GFRA1: variants seen among roughly 807,000 people sequenced by gnomAD.
The protein encoded by GFRA1 is GDNF family receptor alpha-1.
A neutral mutation model predicts 51.6 loss-of-function variants in GFRA1; 16 were observed. The ratio of observed to expected loss-of-function variants is 0.31; its 90% confidence interval spans 0.21 to 0.47. The LOEUF (loss-of-function observed/expected upper bound fraction) is 0.47, where lower values mean the gene tolerates loss of function less well. Among genes scored for constraint, GFRA1 ranks in the 20% least tolerant of loss-of-function variants. GFRA1 has a pLI of 1.00. For missense variants in GFRA1, 530 were observed against 594.3 expected (o/e 0.89, Z 1.13); for synonymous variants, 270 against 241.3 (o/e 1.12, Z -1.10).
intron 5 of GFRA1, among the ~76,000 whole-genome samples, chr10:116,210,810 A>G (rs954573418): frequency 5.3e-5 from 8 of 152,224 alleles, no homozygotes; most frequent in African/African-American, 1.9e-4. Flanking sequence ...GATTCCAGAA[A>G]GACACAGCAG....
chr10:116,262,604 T>G (rs1422409973), intron 4 of GFRA1, among the ~76,000 whole-genome samples: 1 of 152,196 alleles, frequency 6.6e-6, no homozygotes, highest in Non-Finnish European at 1.5e-5. Flanking sequence ...ACAGCAGTTA[T>G]TTTGGGGTGG....
chr10:116,216,287 C>G (rs1207323431), intron 4 of GFRA1, among the ~76,000 whole-genome samples: 1 of 152,088 alleles, frequency 6.6e-6, no homozygotes, highest in Non-Finnish European at 1.5e-5. Flanking sequence ...TGGGTGAACC[C>G]CTCTCTTGCG....
chr10:116,266,454 A>G (rs1969664660), intron 4 of GFRA1, among the ~76,000 whole-genome samples: 1 of 152,226 alleles, frequency 6.6e-6, no homozygotes, highest in South Asian at 2.1e-4. Context: ...AATATGCATT[A>G]TTCAATGACT....
In GFRA1 at chr10:116,251,840, A is replaced by G. The variant is rs75050049; in HGVS notation, c.418+17663T>C. 8.1e-3 allele frequency among the ~76,000 whole-genome samples: 1,235 copies of G among 152,216 alleles called. 19 individuals carry two copies. The highest frequency in any genetic ancestry group is 0.028 in the African/African-American group (1,165 of 41,544). On this transcript the variant is annotated intron_variant, in intron 4 of 10. Transcript: ENST00000355422. ...GTACACGTCTGAAAAGGGGCTGGGA[A>G]TGCAGTCATGAGGCTGAGTAAGGGC... is the stretch of plus-strand genomic sequence containing the variant.
At chr10:116,123,861 T>C (rs573756587) in intron 6 of GFRA1, among the ~76,000 whole-genome samples, 6 of 152,312 alleles carry the variant, frequency 3.9e-5, no homozygotes, top group African/African-American at 1.2e-4. Context: ...AGGGTAACTT[T>C]ATCTTTTCAC....
intron 5 of GFRA1, among the ~76,000 whole-genome samples, chr10:116,204,834 A>T (rs1964605760): frequency 6.6e-6 from 1 of 152,228 alleles, no homozygotes; most frequent in African/African-American, 2.4e-5. Flanking sequence ...TTATGTAGAT[A>T]GGCAACCCTC....
intron 6 of GFRA1, 98 bp downstream of exon 6, chr10:116,125,123 C>T: frequency 9.3e-7 from 1 of 1,070,594 alleles, no homozygotes; most frequent in Non-Finnish European, 1.4e-6. Flanking sequence ...CCCTCCTCTA[C>T]CTTGGTAGAA....
intron 6 of GFRA1, among the ~76,000 whole-genome samples, chr10:116,118,286 G>C (rs1193395482): frequency 6.6e-6 from 1 of 152,144 alleles, no homozygotes. Flanking sequence ...CTTGATCGCA[G>C]CCACTATCTC....
intron 4 of GFRA1, among the ~76,000 whole-genome samples, chr10:116,247,913 GT>G (rs1565678311): frequency 6.6e-6 from 1 of 152,128 alleles, no homozygotes; most frequent in Non-Finnish European, 1.5e-5. Context: ...GAAAATACTT[GT>G]AGAATGAATC....
At chr10:116,237,983 T>C (rs1294683832) in intron 4 of GFRA1, among the ~76,000 whole-genome samples, 1 of 152,146 alleles carries the variant, frequency 6.6e-6, no homozygotes, top group Non-Finnish European at 1.5e-5. Flanking sequence ...CACTCCTTTC[T>C]TGGGGGCTTG....
intron 5 of GFRA1, among the ~76,000 whole-genome samples, chr10:116,206,041 A>G (rs2134414883): frequency 6.6e-6 from 1 of 152,038 alleles, no homozygotes; most frequent in Non-Finnish European, 1.5e-5. Context: ...CATTTTCTAC[A>G]TGACTTCAAA....
intron 4 of GFRA1, among the ~76,000 whole-genome samples, chr10:116,262,784 G>C (rs1243053354): frequency 6.6e-6 from 1 of 152,166 alleles, no homozygotes; most frequent in Admixed American, 6.5e-5. Flanking sequence ...CTTTGCAGAC[G>C]GAAGCATCTC....
At chr10:116,192,746 C>T (rs189868231) in intron 5 of GFRA1, among the ~76,000 whole-genome samples, 92 of 152,232 alleles carry the variant, frequency 6.0e-4, no homozygotes, top group African/African-American at 2.1e-3. Context: ...GGGGCTGAAC[C>T]CTCCACAGTG....
At chr10:116,254,576 C>T (rs1303250556) in intron 4 of GFRA1, among the ~76,000 whole-genome samples, 1 of 152,018 alleles carries the variant, frequency 6.6e-6, no homozygotes, top group Non-Finnish European at 1.5e-5. Context: ...GGCCAGCAGA[C>T]ATTTCACAAT....
In GFRA1 at chr10:116,185,749, G is replaced by A. The variant is rs1038642543; in HGVS notation, c.433+25882C>T. 4.6e-5 allele frequency among the ~76,000 whole-genome samples: 7 copies of A among 152,192 alleles called. No homozygotes were observed. In the East Asian group the frequency reaches 1.3e-3, roughly 29 times the overall value. On this transcript the variant is annotated intron_variant, in intron 5 of 10. Transcript: ENST00000355422. ...ACTCCGTTATTAGTTTCTTCAGAGA[G>A]CACTTCCTTAATAAATCATTTGCAC...
intron 5 of GFRA1, among the ~76,000 whole-genome samples, chr10:116,138,219 G>A (rs76565146): frequency 0.018 from 2,734 of 152,130 alleles, 35 homozygotes; most frequent in Middle Eastern, 0.058. Context: ...ATTATTTCTC[G>A]TTCATGGAAA....
intron 6 of GFRA1, among the ~76,000 whole-genome samples, chr10:116,101,628 T>C (rs1956818263): frequency 6.6e-6 from 1 of 152,204 alleles, no homozygotes; most frequent in Non-Finnish European, 1.5e-5. Context: ...TTTACCTACT[T>C]TCTCTGCAAC....
intron 4 of GFRA1, among the ~76,000 whole-genome samples, chr10:116,231,934 A>G (rs1440481679): frequency 6.6e-6 from 1 of 152,224 alleles, no homozygotes; most frequent in African/African-American, 2.4e-5. Flanking sequence ...CTTAAAATAT[A>G]GCCCTGTCTA....
At chr10:116,084,720 G>T (rs994895360) in intron 9 of GFRA1, among the ~76,000 whole-genome samples, 1 of 151,134 alleles carries the variant, frequency 6.6e-6, no homozygotes, top group African/African-American at 2.4e-5. Context: ...GCAAAATAGA[G>T]AATTTTTCTA....
Sources: allele counts gnomAD v4.1 joint callset (sites outside exome capture counted in the v4.1 genomes callset), GRCh38; gene constraint gnomAD v4.1.1; transcripts MANE v1.5; gene names NCBI Gene and HGNC (gene_info 2026-07-23, HGNC 2026-07-21).